SLAIN1: variants seen among roughly 807,000 people sequenced by gnomAD.
The protein encoded by SLAIN1 is SLAIN family member 1.
SLAIN1 carries 17 observed loss-of-function variants against 55.4 expected under a neutral mutation model. That is an observed-to-expected ratio of 0.31 (90% confidence interval 0.21 to 0.46). The LOEUF (loss-of-function observed/expected upper bound fraction) is 0.46, where lower values mean the gene tolerates loss of function less well. Ranked by LOEUF, SLAIN1 falls within the 20% of genes least tolerant of loss-of-function variation. SLAIN1 has a pLI of 1.00. For synonymous variants in SLAIN1, 348 were observed against 337.4 expected (o/e 1.03, Z -0.35); for missense variants, 682 against 785.1 (o/e 0.87, Z 1.57).
intron 1 of SLAIN1, among the ~76,000 whole-genome samples, chr13:77,713,790 G>T (rs2091177336): frequency 1.3e-5 from 2 of 152,122 alleles, no homozygotes; most frequent in African/African-American, 4.8e-5. Context: ...ATCAATAGTA[G>T]ACTGGATAAA....
rs570428739 is a variant in SLAIN1 at position 77,710,340 on chromosome 13, C to A, written c.627-9192C>A. ...TGCTGTATTCAGGAGACCCATCTCA[C>A]ATGCAAAGGCACATATAGGCTCAAA... On this transcript the variant is annotated intron_variant, in intron 1 of 6. Transcript: ENST00000418532. 1.2e-4 allele frequency among the ~76,000 whole-genome samples: 18 copies of A among 151,990 alleles called. No individual in the cohort carries two copies. In the South Asian group the frequency reaches 2.9e-3, roughly 25 times the overall value.
At chr13:77,711,250 A>G (rs1759848589) in intron 1 of SLAIN1, among the ~76,000 whole-genome samples, 1 of 152,104 alleles carries the variant, frequency 6.6e-6, no homozygotes, top group Non-Finnish European at 1.5e-5. Context: ...AGATAGAGAC[A>G]TGAAAAACCC....
rs1354104989 is a variant in SLAIN1 at position 77,698,624 on chromosome 13, G to T, written c.626+85G>T. 7.6e-7 allele frequency: 1 copy of T among 1,320,272 alleles called. No homozygotes were observed. Among genetic ancestry groups the T allele is most frequent in the Non-Finnish European group, 9.6e-7 (1 of 1,039,486 alleles). 81.8% of individuals were successfully genotyped at this position (1,320,272 alleles called of 1,614,324 possible). On this transcript the variant is annotated intron_variant, in intron 1 of 6. Transcript: ENST00000418532. The surrounding 1 kb of genome is among the most constrained non-coding windows in gnomAD (Gnocchi z 4.1). The stretch of plus-strand genomic sequence containing the variant: ...GAGCGGGGGCGGGGGGCGGACGGGG[G>T]TCCCCTCGCGGCAGCCGGGGTGACT...
intron 2 of SLAIN1, among the ~76,000 whole-genome samples, chr13:77,734,975 G>A (rs1185305541): frequency 6.6e-6 from 1 of 151,960 alleles, no homozygotes; most frequent in Non-Finnish European, 1.5e-5. Flanking sequence ...AGCTGAGATC[G>A]TGCCACTGCA....
intron 1 of SLAIN1, among the ~76,000 whole-genome samples, chr13:77,718,631 G>A (rs1417600593): frequency 6.6e-6 from 1 of 152,124 alleles, no homozygotes; most frequent in African/African-American, 2.4e-5. Context: ...TAGAATTGTG[G>A]TAGCTTTGTT....
chr13:77,727,624 G>A (rs575051170), intron 2 of SLAIN1, among the ~76,000 whole-genome samples: 26 of 152,214 alleles, frequency 1.7e-4, no homozygotes, highest in African/African-American at 5.8e-4. Context: ...TCTGTGCCTG[G>A]AATAACTCCC....
intron 5 of SLAIN1, among the ~76,000 whole-genome samples, chr13:77,755,206 C>T (rs1458763180): frequency 1.3e-5 from 2 of 152,024 alleles, no homozygotes; most frequent in Non-Finnish European, 2.9e-5. Flanking sequence ...GTAGTCCTAG[C>T]TACTTGGAAG....
At position 77,698,781 on chromosome 13, in the gene SLAIN1, TCCC is replaced by T. The variant is rs573087056; in HGVS notation, c.626+246_626+248del. 1.2e-5 allele frequency: 15 copies of T among 1,233,234 alleles called. No individual in the cohort carries two copies. Among genetic ancestry groups the T allele is most frequent in the African/African-American group, 1.5e-5 (1 of 65,986 alleles). 76.4% of individuals were successfully genotyped at this position (1,233,234 alleles called of 1,614,324 possible). On this transcript the variant is annotated intron_variant, in intron 1 of 6. Coordinates refer to ENST00000418532, the MANE Select transcript of SLAIN1 (RefSeq NM_001242868.2). This position sits in a 1 kb window ranked among gnomAD's most constrained non-coding sequence, Gnocchi z 4.1. Reference sequence around the variant, plus strand: ...GACTGCGGATGAACCGGCCCCCCCTTCCCCCCATCTGCCATGGGTTCTGCTATT... The same window carrying T: ...GACTGCGGATGAACCGGCCCCCCCTTCCCATCTGCCATGGGTTCTGCTATT...
At chr13:77,733,572 C>T (rs1278553646) in intron 2 of SLAIN1, among the ~76,000 whole-genome samples, 2 of 152,126 alleles carry the variant, frequency 1.3e-5, no homozygotes, top group African/African-American at 4.8e-5. Flanking sequence ...TTTTTCATAG[C>T]TAAATTTGAA....
At chr13:77,728,555 CTAAGGAA>C (rs2091329091) in intron 2 of SLAIN1, among the ~76,000 whole-genome samples, 1 of 152,132 alleles carries the variant, frequency 6.6e-6, no homozygotes, top group South Asian at 2.1e-4. Flanking sequence ...GGATTAGATA[CTAAGGAA>C]ATGTGAATAG....
intron 2 of SLAIN1, among the ~76,000 whole-genome samples, chr13:77,738,185 TAC>T (rs954907739): frequency 6.0e-5 from 9 of 150,886 alleles, no homozygotes; most frequent in African/African-American, 2.0e-4. Flanking sequence ...TCTGGAGCAC[TAC>T]ACACACACCC....
chr13:77,708,144 T>C (rs2091108979), intron 1 of SLAIN1, among the ~76,000 whole-genome samples: 1 of 152,212 alleles, frequency 6.6e-6, no homozygotes, highest in South Asian at 2.1e-4. Context: ...TGAATGTGCC[T>C]GTAGAAATGA....
chr13:77,703,680 A>G (rs1182373185), intron 1 of SLAIN1, among the ~76,000 whole-genome samples: 1 of 151,934 alleles, frequency 6.6e-6, no homozygotes, highest in African/African-American at 2.4e-5. Flanking sequence ...GTTGGAACTA[A>G]GTATTGTAGT....
chr13:77,698,499 G>T lies in SLAIN1; in HGVS notation c.586G>T (p.Glu196Ter). ...GGACGAGGTGGAATTGCTGGATCTG[G>T]AGAGCGTAGCCGCCTGGCGGGACGA... ...LLDEVELLDL[E>*]SVAAWRDEDD... is the part of the protein sequence containing the mutation. The change falls in exon 1 of 7, where the codon GAG becomes TAG. Residue 196 changes from glutamate to a stop codon, truncating the protein, a stop_gained. Coordinates refer to ENST00000418532, the MANE Select transcript of SLAIN1 (RefSeq NM_001242868.2). LOFTEE classifies it high-confidence loss of function. This position sits in a 1 kb window ranked among gnomAD's most constrained non-coding sequence, Gnocchi z 4.1. 6.8e-7 allele frequency: 1 copy of T among 1,460,902 alleles called. No homozygotes were observed. The highest frequency in any genetic ancestry group is 9.0e-7 in the Non-Finnish European group (1 of 1,112,610). 90.5% of individuals were successfully genotyped at this position (1,460,902 alleles called of 1,614,324 possible).
At position 77,698,624 on chromosome 13, in the gene SLAIN1, GTCCCCTCGCGGCAGCCGGGGTGAC is replaced by G; in HGVS notation, c.626+91_626+114del. 7.6e-7 allele frequency: 1 copy of G among 1,320,382 alleles called. No homozygotes were observed. Among genetic ancestry groups the G allele is most frequent in the Non-Finnish European group, 9.6e-7 (1 of 1,039,480 alleles). The allele number at this position is 1,320,382 out of a possible 1,614,324, so 81.8% of individuals were successfully genotyped here. Reference sequence around the variant, plus strand: ...GAGCGGGGGCGGGGGGCGGACGGGGGTCCCCTCGCGGCAGCCGGGGTGACTCCCCGCGGCTCCCGGAGGGGCCGA... The same window carrying G: ...GAGCGGGGGCGGGGGGCGGACGGGGGTCCCCGCGGCTCCCGGAGGGGCCGA... On this transcript the variant is annotated intron_variant, in intron 1 of 6. Coordinates refer to ENST00000418532, the MANE Select transcript of SLAIN1 (RefSeq NM_001242868.2). The surrounding 1 kb of genome is among the most constrained non-coding windows in gnomAD (Gnocchi z 4.1).
intron 2 of SLAIN1, among the ~76,000 whole-genome samples, chr13:77,726,419 T>C (rs1423617570): frequency 6.6e-6 from 1 of 152,188 alleles, no homozygotes; most frequent in East Asian, 1.9e-4. Flanking sequence ...ATTAATTGAC[T>C]TGGATCTAAG....
intron 5 of SLAIN1, among the ~76,000 whole-genome samples, chr13:77,754,639 C>A (rs1874471406): frequency 6.6e-6 from 1 of 152,194 alleles, no homozygotes. Flanking sequence ...AAATACCATG[C>A]CTTTGGAAGT....
In SLAIN1 at chr13:77,719,570, A is replaced by G. The variant is rs748532400; in HGVS notation, c.665A>G (p.Glu222Gly). 3 of 1,613,378 alleles carry G rather than the reference A, an allele frequency of 1.9e-6. No homozygotes were observed. The highest frequency in any genetic ancestry group is 2.2e-5 in the East Asian group (1 of 44,860). The change falls in exon 2 of 7, where the codon GAG becomes GGG. Residue 222 changes from glutamate (E) to glycine (G), a missense_variant. By Grantham distance (98) the Glu-to-Gly change is moderately conservative. Around this residue, in one of 3 missense-constraint regions of SLAIN1, gnomAD observed 401 missense variants for 417.3 expected, o/e 0.96. Coordinates refer to ENST00000418532, the MANE Select transcript of SLAIN1 (RefSeq NM_001242868.2). ...IGSSKTFTSSEKSLTPLQWCR... is the reference protein window; with the variant it reads ...IGSSKTFTSSGKSLTPLQWCR... Reference sequence around the variant, plus strand: ...TCTTCAAAGACGTTCACCTCATCAGAGAAATCCCTGACTCCTTTGCAGTGG... The same window carrying G: ...TCTTCAAAGACGTTCACCTCATCAGGGAAATCCCTGACTCCTTTGCAGTGG...
At chr13:77,733,361 G>GC (rs1163791829) in intron 2 of SLAIN1, among the ~76,000 whole-genome samples, 6 of 152,232 alleles carry the variant, frequency 3.9e-5, no homozygotes, top group Admixed American at 1.3e-4. Flanking sequence ...ATTTCTTAAA[G>GC]ATGGTATATA....
Sources: allele counts gnomAD v4.1 joint callset (sites outside exome capture counted in the v4.1 genomes callset), GRCh38; gene constraint gnomAD v4.1.1; regional missense constraint gnomAD v4.1.1; non-coding constraint Gnocchi (gnomAD v3.1); transcripts MANE v1.5; gene names NCBI Gene and HGNC (gene_info 2026-07-23, HGNC 2026-07-21).